Variants in SLC4A7 observed in about 807,000 individuals in gnomAD.
The protein encoded by SLC4A7 is sodium bicarbonate cotransporter 3.
SLC4A7 carries 51 observed loss-of-function variants against 137.6 expected under a neutral mutation model. The ratio of observed to expected loss-of-function variants is 0.37; its 90% CI spans 0.30 to 0.47. The LOEUF (loss-of-function observed/expected upper bound fraction) is 0.47. Among genes scored for constraint, SLC4A7 ranks in the 20% least tolerant of loss-of-function variants. The pLI is 1.00. For synonymous variants in SLC4A7, 542 were observed against 518.6 expected, an observed-to-expected ratio of 1.05 and a Z score of -0.61; for missense variants, 1,247 against 1,525.4, an observed-to-expected ratio of 0.82 and a Z score of 3.04.
intron 20 of SLC4A7, among the ~76,000 whole-genome samples, chr3:27,393,144 G>A (rs544857739): frequency 3.9e-5 from 6 of 152,142 alleles, no homozygotes; most frequent in Admixed American, 3.3e-4. Context: ...CAGGTTTCTC[G>A]AGAAAACCAA....
Position 27,484,195 on chromosome 3 carries a change from C to T in SLC4A7, c.-69G>A. On this transcript the variant is annotated 5_prime_UTR_variant, in exon 1 of 26. Coordinates refer to ENST00000454389, the MANE Select transcript of SLC4A7 (RefSeq NM_001321103.2). ...CGCGGTCTGCCTGCTTCTGCCGCTGCCCCTGCCGCCGCCGCCGAGCCCCCG... is the reference window on the plus strand; with the variant it reads ...CGCGGTCTGCCTGCTTCTGCCGCTGTCCCTGCCGCCGCCGCCGAGCCCCCG... 1.7e-6 allele frequency: 2 copies of T among 1,184,128 alleles called. No individual in the cohort carries two copies. The highest frequency in any genetic ancestry group is 2.1e-6 in the Non-Finnish European group (2 of 942,508). The allele number at this position is 1,184,128 out of a possible 1,614,324, so 73.4% of individuals were successfully genotyped here.
At chr3:27,383,764 A>G (rs372556888) in intron 23 of SLC4A7, among the ~76,000 whole-genome samples, 20 of 152,320 alleles carry the variant, frequency 1.3e-4, no homozygotes, top group East Asian at 9.7e-4. Flanking sequence ...TATAACAATC[A>G]AAAATATCTC....
chr3:27,413,858 A>C (rs143602249), intron 11 of SLC4A7, among the ~76,000 whole-genome samples: 2 of 152,362 alleles, frequency 1.3e-5, no homozygotes, highest in East Asian at 3.9e-4. Context: ...TTTAGTTAAT[A>C]CAATTAGACA....
chr3:27,442,221 C>T (rs563129180), intron 3 of SLC4A7, among the ~76,000 whole-genome samples: 109 of 152,122 alleles, frequency 7.2e-4, no homozygotes, highest in African/African-American at 2.5e-3. Context: ...TAAAATGTCC[C>T]TAATATTTCA....
chr3:27,404,731 T>C, intron 14 of SLC4A7, 99 bp downstream of exon 14: 1 of 981,706 alleles, frequency 1.0e-6, no homozygotes, highest in Admixed American at 2.8e-5. Flanking sequence ...AATGCATATA[T>C]TGACCAAATT....
chr3:27,452,300 C>G (rs2058126139), intron 2 of SLC4A7, 117 bp downstream of exon 2: 2 of 668,318 alleles, frequency 3.0e-6, no homozygotes, highest in South Asian at 1.9e-5. Flanking sequence ...TACGCTTTAC[C>G]TTACAACAAT....
chr3:27,452,397 GTTATTT>G lies in SLC4A7; in HGVS notation c.142+14_142+19del. The G allele has an allele frequency of 3.9e-6, 6 of 1,522,690 alleles. No individual in the cohort carries two copies. Among genetic ancestry groups the G allele is most frequent in the Non-Finnish European group, 5.4e-6 (6 of 1,112,652 alleles). The allele number at this position is 1,522,690 out of a possible 1,614,324, so 94.3% of individuals were successfully genotyped here. A position where few individuals can be genotyped will look rare whatever the true frequency, so the allele number is the denominator to read the frequency against. ...TAAATTATCCTACTAAGCGAAGTAA[GTTATTT>G]TAAACCAACTTACTTTCTAGTTCTT... is the stretch of plus-strand genomic sequence containing the variant. On this transcript the variant is annotated intron_variant, in intron 2 of 25. Coordinates refer to ENST00000454389, the MANE Select transcript of SLC4A7 (RefSeq NM_001321103.2).
chr3:27,444,627 G>C (rs2057453520), intron 3 of SLC4A7, among the ~76,000 whole-genome samples: 1 of 152,046 alleles, frequency 6.6e-6, no homozygotes, highest in South Asian at 2.1e-4. Flanking sequence ...TTCAGATACT[G>C]TATTTTTTCC....
chr3:27,417,259 A>C (rs1436701399), intron 11 of SLC4A7, among the ~76,000 whole-genome samples: 1 of 152,208 alleles, frequency 6.6e-6, no homozygotes, highest in African/African-American at 2.4e-5. Flanking sequence ...AACAGGGAGA[A>C]CCAGGCAGGA....
intron 1 of SLC4A7, among the ~76,000 whole-genome samples, chr3:27,464,586 G>C (rs2150655474): frequency 6.6e-6 from 1 of 151,926 alleles, no homozygotes; most frequent in Non-Finnish European, 1.5e-5. Context: ...CCAGCTACTC[G>C]GGAGGGTGAG....
Position 27,404,858 on chromosome 3 carries a change from A to G in SLC4A7, c.2047T>C (p.Phe683Leu), listed in dbSNP as rs760037191. Residue 683 changes from phenylalanine (F) to leucine (L), a missense_variant, in exon 14 of 26, where the codon TTT becomes CTT. This residue lies in a region of SLC4A7 where 499 missense variants were observed against 664.2 expected (regional missense o/e 0.75). Transcript: ENST00000454389. ...CAGAATTTATATAAAATTTTTTCAA[A>G]CACTAGAACTGGACCTGTGCTCCCC... The part of the protein sequence containing the change: ...ILGSTGPVLV[F>L]EKILYKFCRD... 5 of 1,606,156 alleles carry G rather than the reference A, an allele frequency of 3.1e-6. No individual in the cohort carries two copies. Among genetic ancestry groups the G allele is most frequent in the South Asian group, 1.1e-5 (1 of 89,356 alleles).
intron 1 of SLC4A7, among the ~76,000 whole-genome samples, chr3:27,478,596 T>C (rs1450503921): frequency 6.6e-6 from 1 of 151,228 alleles, no homozygotes; most frequent in Non-Finnish European, 1.5e-5. Context: ...AACCCCTTGA[T>C]ACTGAAAACT....
At chr3:27,397,505 T>C (rs2052311527) in intron 18 of SLC4A7, among the ~76,000 whole-genome samples, 179 bp downstream of exon 18, 1 of 152,138 alleles carries the variant, frequency 6.6e-6, no homozygotes, top group Non-Finnish European at 1.5e-5. Context: ...CTCTTTTCTG[T>C]CCATATTGTC....
intron 11 of SLC4A7, among the ~76,000 whole-genome samples, chr3:27,416,418 A>G (rs2054391381): frequency 6.6e-6 from 1 of 152,184 alleles, no homozygotes; most frequent in Non-Finnish European, 1.5e-5. Context: ...TAGTGTGTAT[A>G]AGTTTTTGAT....
chr3:27,385,865 G>GT (rs2050890639), intron 23 of SLC4A7, 27 bp downstream of exon 23: 3 of 1,437,230 alleles, frequency 2.1e-6, no homozygotes, highest in South Asian at 2.4e-5. Flanking sequence ...AGGAAGTGGT[G>GT]TAAGTTTAAA....
At chr3:27,423,895 A>T in intron 8 of SLC4A7, 142 bp downstream of exon 8, 1 of 576,194 alleles carries the variant, frequency 1.7e-6, no homozygotes, top group South Asian at 2.3e-5. Context: ...AAATTAACAT[A>T]TCACAGACAT....
intron 11 of SLC4A7, among the ~76,000 whole-genome samples, chr3:27,413,697 G>T (rs1045039669): frequency 6.6e-5 from 10 of 152,110 alleles, no homozygotes; most frequent in Non-Finnish European, 1.5e-4. Context: ...AAGAAATAAT[G>T]TTACTTTCTT....
rs749333019 is a variant in SLC4A7 at position 27,376,747 on chromosome 3, T to G, written c.*17A>C. On this transcript the variant is annotated 3_prime_UTR_variant, in exon 26 of 26. Transcript: ENST00000454389. Reference sequence around the variant, plus strand: ...CATATGTATATATCTATATGTATAATGCCTCTTGGTTCAATTCTATAATGA... The same window carrying G: ...CATATGTATATATCTATATGTATAAGGCCTCTTGGTTCAATTCTATAATGA... 6.7e-7 allele frequency: 1 copy of G among 1,482,130 alleles called. No homozygotes were observed. The highest frequency in any genetic ancestry group is 9.4e-7 in the Non-Finnish European group (1 of 1,064,754). The allele number at this position is 1,482,130 out of a possible 1,614,324, so 91.8% of individuals were successfully genotyped here.
intron 13 of SLC4A7, among the ~76,000 whole-genome samples, chr3:27,408,675 A>G (rs1485166715): frequency 6.6e-6 from 1 of 152,240 alleles, no homozygotes; most frequent in East Asian, 1.9e-4. Flanking sequence ...CATATCAACA[A>G]CAACAAAGAA....
Sources: allele counts gnomAD v4.1 joint callset (sites outside exome capture counted in the v4.1 genomes callset), GRCh38; gene constraint gnomAD v4.1.1; regional missense constraint gnomAD v4.1.1; transcripts MANE v1.5; gene names NCBI Gene and HGNC (gene_info 2026-07-23, HGNC 2026-07-21).